The following BRK1 variants were observed in gnomAD, a reference collection of about 807,000 sequenced individuals.
The protein encoded by BRK1 is protein BRICK1.
BRK1 carries 6 observed loss-of-function variants against 9.9 expected under a neutral mutation model. The observed-to-expected ratio is 0.60, with a 90% CI of 0.33 to 1.19. The LOEUF (loss-of-function observed/expected upper bound fraction) is 1.19, where lower values mean the gene tolerates loss of function less well. BRK1 is among the 50% of genes most tolerant of loss of function. The probability of loss-of-function intolerance (pLI) is 0.04; values close to 1 mark genes in which losing one functional copy is unlikely to be tolerated. For synonymous variants in BRK1, 44 were observed against 31.9 expected (o/e 1.38, Z -1.28); for missense variants, 62 against 97.5 (o/e 0.64, Z 1.53).
At chr3:10,118,785 G>T (rs922682387) in intron 1 of BRK1, among the ~76,000 whole-genome samples, 2 of 151,954 alleles carry the variant, frequency 1.3e-5, no homozygotes, top group African/African-American at 4.8e-5. Flanking sequence ...ACTGTGCCTG[G>T]CCATAAGTGG....
intron 1 of BRK1, among the ~76,000 whole-genome samples, chr3:10,116,651 A>ATTACAGGATATAGGGACTAGTG (rs1457028130): frequency 1.2e-4 from 18 of 152,174 alleles, no homozygotes; most frequent in Non-Finnish European, 2.2e-4. Flanking sequence ...TTCTTGTGTA[A>ATTACAGGATATAGGGACTAGTG]TTACAGGATA....
Position 10,126,080 on chromosome 3 carries a change from G to A in BRK1, c.202-189G>A, listed in dbSNP as rs189298450. Among the ~76,000 whole-genome samples, 147 of 152,284 alleles carry A rather than the reference G, an allele frequency of 9.7e-4. 2 individuals carry two copies. The highest frequency in any genetic ancestry group is 3.3e-3 in the African/African-American group (136 of 41,564). ...CACTCCAGCCTGGGTGGCAGAGTGAGACTCCATCTCAAAAAAACAAAAGAA... is the reference window on the plus strand; with the variant it reads ...CACTCCAGCCTGGGTGGCAGAGTGAAACTCCATCTCAAAAAAACAAAAGAA... On this transcript the variant is annotated intron_variant, in intron 2 of 2. Coordinates refer to ENST00000530758, the MANE Select transcript of BRK1 (RefSeq NM_018462.5).
At chr3:10,120,487 G>A (rs1380363063) in intron 1 of BRK1, among the ~76,000 whole-genome samples, 3 of 152,184 alleles carry the variant, frequency 2.0e-5, no homozygotes, top group African/African-American at 4.8e-5. Context: ...GAACCACCGT[G>A]CCCGGCCTGA....
intron 1 of BRK1, among the ~76,000 whole-genome samples, chr3:10,118,828 A>G (rs1479080345): frequency 6.6e-6 from 1 of 151,812 alleles, no homozygotes; most frequent in African/African-American, 2.4e-5. Flanking sequence ...CAGTATGCCT[A>G]CCTCTCCTGC....
intron 1 of BRK1, 42 bp from the exon 2 acceptor site, chr3:10,125,584 T>C: frequency 1.6e-6 from 2 of 1,262,720 alleles, no homozygotes; most frequent in South Asian, 1.3e-5. Context: ...GTGTCTGTGT[T>C]TGGAGTGACA....
In BRK1 at chr3:10,115,830, C is replaced by T. The variant is rs1695677289; in HGVS notation, c.118+11C>T. On this transcript the variant is annotated intron_variant, in intron 1 of 2. Coordinates refer to ENST00000530758, the MANE Select transcript of BRK1 (RefSeq NM_018462.5). ...TTCTCAACTCGTTCGGTCAGCGGGC[C>T]AGCAAGGGGAGGCGGGGAGGAGGGA... is the stretch of plus-strand genomic sequence containing the variant. 1.9e-6 allele frequency: 3 copies of T among 1,608,702 alleles called. No individual in the cohort carries two copies. In the East Asian group the frequency reaches 6.7e-5, roughly 36 times the overall value.
At chr3:10,125,198 G>A (rs557650431) in intron 1 of BRK1, among the ~76,000 whole-genome samples, 18 of 151,820 alleles carry the variant, frequency 1.2e-4, no homozygotes, top group Non-Finnish European at 1.9e-4. Context: ...TGCCCCCCCC[G>A]GTTCAAGTGA....
At chr3:10,119,104 A>G (rs1433592437) in intron 1 of BRK1, among the ~76,000 whole-genome samples, 1 of 148,300 alleles carries the variant, frequency 6.7e-6, no homozygotes. Context: ...CACTCGCGCC[A>G]CTGCACTCCT....
chr3:10,119,143 CAAAAAAA>C (rs74416793), intron 1 of BRK1, among the ~76,000 whole-genome samples: 1 of 67,442 alleles, frequency 1.5e-5, no homozygotes, highest in Non-Finnish European at 3.2e-5. Flanking sequence ...GACTCCATCT[CAAAAAAA>C]AAAAAAAAAA....
At position 10,126,549 on chromosome 3, in the gene BRK1, G is replaced by T. The variant is rs2125119480; in HGVS notation, c.*254G>T. The T allele has an allele frequency of 4.6e-6, 2 of 435,024 alleles. No individual in the cohort carries two copies. Among genetic ancestry groups the T allele is most frequent in the East Asian group, 7.7e-5 (2 of 25,850 alleles). The allele number at this position is 435,024 out of a possible 1,614,324, so 26.9% of individuals were successfully genotyped here. ...TCAGTAACATTTTATACATCTACTTGTCAATGTATTTGAGACATTCACAGC... is the reference window on the plus strand; with the variant it reads ...TCAGTAACATTTTATACATCTACTTTTCAATGTATTTGAGACATTCACAGC... On this transcript the variant is annotated 3_prime_UTR_variant, in exon 3 of 3. Coordinates refer to ENST00000530758, the MANE Select transcript of BRK1 (RefSeq NM_018462.5).
At chr3:10,120,187 G>A (rs1224429479) in intron 1 of BRK1, among the ~76,000 whole-genome samples, 2 of 149,970 alleles carry the variant, frequency 1.3e-5, no homozygotes, top group African/African-American at 2.5e-5. Flanking sequence ...GCGCCACCAC[G>A]CCTGGCTAAT....
chr3:10,121,546 CT>C (rs112571351), intron 1 of BRK1, among the ~76,000 whole-genome samples: 6 of 149,584 alleles, frequency 4.0e-5, no homozygotes, highest in Admixed American at 1.3e-4. Context: ...CAGAATCCAT[CT>C]TTTTTTTTTC....
chr3:10,121,353 T>G (rs1323564842), intron 1 of BRK1, among the ~76,000 whole-genome samples: 1 of 152,202 alleles, frequency 6.6e-6, no homozygotes. Context: ...GCTGGAGACC[T>G]GGGGTATAAA....
At chr3:10,117,093 CA>C (rs1481549711) in intron 1 of BRK1, among the ~76,000 whole-genome samples, 4 of 151,946 alleles carry the variant, frequency 2.6e-5, no homozygotes, top group African/African-American at 7.3e-5. Context: ...ACAACGACAA[CA>C]AAAAAATTAG....
intron 1 of BRK1, among the ~76,000 whole-genome samples, chr3:10,119,536 A>G (rs1164388038): frequency 6.6e-6 from 1 of 152,214 alleles, no homozygotes; most frequent in Admixed American, 6.5e-5. Context: ...TACCCTGACC[A>G]CAGAGAATCT....
chr3:10,116,223 G>A (rs1022479935), intron 1 of BRK1, among the ~76,000 whole-genome samples: 1 of 152,178 alleles, frequency 6.6e-6, no homozygotes, highest in South Asian at 2.1e-4. Context: ...TTTCAAGACT[G>A]TTGACCGTTC....
intron 1 of BRK1, among the ~76,000 whole-genome samples, chr3:10,118,907 C>A (rs1171030805): frequency 6.6e-6 from 1 of 152,192 alleles, no homozygotes; most frequent in Non-Finnish European, 1.5e-5. Context: ...CTTCCTCAGC[C>A]TACTCAGCAG....
At chr3:10,118,862 A>G (rs997888802) in intron 1 of BRK1, among the ~76,000 whole-genome samples, 3 of 152,190 alleles carry the variant, frequency 2.0e-5, no homozygotes, top group Admixed American at 6.6e-5. Context: ...TCTGCCACCC[A>G]TGAGGTAGCA....
intron 1 of BRK1, among the ~76,000 whole-genome samples, chr3:10,121,017 G>A (rs966469916): frequency 3.9e-5 from 6 of 152,136 alleles, no homozygotes; most frequent in African/African-American, 1.2e-4. Flanking sequence ...GGGCAGTTCC[G>A]ACAGAAAGTG....
Sources: allele counts gnomAD v4.1 joint callset (sites outside exome capture counted in the v4.1 genomes callset), GRCh38; gene constraint gnomAD v4.1.1; transcripts MANE v1.5; gene names NCBI Gene and HGNC (gene_info 2026-07-23, HGNC 2026-07-21).